The following DNAJA4 variants were observed in gnomAD, a reference collection of about 807,000 sequenced individuals.
The protein encoded by DNAJA4 is DnaJ heat shock protein family (Hsp40) member A4.
In DNAJA4, 32 loss-of-function variants were observed where a neutral mutation model predicts 39.7. The observed-to-expected ratio is 0.81, with a 90% CI of 0.61 to 1.08. DNAJA4 has a LOEUF of 1.08. DNAJA4 is among the 50% of genes least tolerant of loss of function. The pLI, the probability that DNAJA4 is intolerant of heterozygous loss-of-function variation, is 0.00. For missense variants in DNAJA4, 439 were observed against 505.1 expected, an observed-to-expected ratio of 0.87 and a Z score of 1.25; for synonymous variants, 184 against 182.4, an observed-to-expected ratio of 1.01 and a Z score of -0.07.
upstream of DNAJA4, chr15:78,264,295 G>A (rs1178590067): frequency 3.6e-6 from 5 of 1,375,008 alleles, no homozygotes; most frequent in East Asian, 6.2e-5. Flanking sequence ...GGCCCAAGCC[G>A]CCTTCTCCGG....
intron 1 of DNAJA4, among the ~76,000 whole-genome samples, chr15:78,269,650 A>T (rs1035729537): frequency 6.6e-6 from 1 of 152,098 alleles, no homozygotes; most frequent in Non-Finnish European, 1.5e-5. Context: ...GAAGTTTAAC[A>T]TTGGGAACAA....
Position 78,280,092 on chromosome 15 carries a change from A to G in DNAJA4, c.925A>G (p.Met309Val). The change falls in exon 6 of 7, where the codon ATG becomes GTG. Residue 309 changes from methionine (M) to valine (V), a missense_variant. Physicochemically the swap from Met to Val is conservative, Grantham distance 21. Transcript: ENST00000394852. ...GDLRCVRDEG[M>V]PIYKAPLEKG... ...CCTGAGATGCGTGCGCGATGAAGGA[A>G]TGCCCATCTACAAAGCACCCCTGGA... 1 of 1,614,248 alleles carries G rather than the reference A, an allele frequency of 6.2e-7. No individual in the cohort carries two copies. Among genetic ancestry groups the G allele is most frequent in the Non-Finnish European group, 8.5e-7 (1 of 1,180,044 alleles).
Position 78,264,596 on chromosome 15 carries a change from C to G in DNAJA4, c.-168C>G. Reference sequence around the variant, plus strand: ...GAGCCAGGCGTGGAAGTCGGTCCGGCGCGGGGCGGGGGGCGGGCGGGAGCT... The same window carrying G: ...GAGCCAGGCGTGGAAGTCGGTCCGGGGCGGGGCGGGGGGCGGGCGGGAGCT... On this transcript the variant is annotated 5_prime_UTR_variant, in exon 1 of 7. Coordinates refer to ENST00000394852, the MANE Select transcript of DNAJA4 (RefSeq NM_001130182.2). The G allele has an allele frequency of 8.7e-7, 1 of 1,146,020 alleles. No homozygotes were observed. Among genetic ancestry groups the G allele is most frequent in the Non-Finnish European group, 1.1e-6 (1 of 934,380 alleles). The allele number at this position is 1,146,020 out of a possible 1,614,324, so 71.0% of individuals were successfully genotyped here.
rs1270025323 is a variant in DNAJA4, at chr15:78,279,170, T to A, written c.878-875T>A. Reference sequence around the variant, plus strand: ...AACCTCCTCTTTAAAGATTTCCTCTTGAAGAGACAGCTCACTTTCTACATA... The same window carrying A: ...AACCTCCTCTTTAAAGATTTCCTCTAGAAGAGACAGCTCACTTTCTACATA... On this transcript the variant is annotated intron_variant, in intron 5 of 6. Coordinates refer to ENST00000394852, the MANE Select transcript of DNAJA4 (RefSeq NM_001130182.2). This position sits in a 1 kb window ranked among gnomAD's most constrained non-coding sequence, Gnocchi z 4.5. 6.6e-6 allele frequency: 1 copy of A among 152,170 alleles called. No individual in the cohort carries two copies. Among genetic ancestry groups the A allele is most frequent in the African/African-American group, 2.4e-5 (1 of 41,440 alleles). The allele number at this position is 152,170 out of a possible 1,614,324, so 9.4% of individuals were successfully genotyped here. A position where few individuals can be genotyped will look rare whatever the true frequency, so the allele number is the denominator to read the frequency against.
At chr15:78,267,191 TGA>T (rs1401442912) in intron 1 of DNAJA4, among the ~76,000 whole-genome samples, 4 of 151,500 alleles carry the variant, frequency 2.6e-5, no homozygotes, top group Admixed American at 2.6e-4. Flanking sequence ...AGTGTGTGTG[TGA>T]GTGTGTATGT....
chr15:78,268,554 T>C (rs2049206353), intron 1 of DNAJA4, among the ~76,000 whole-genome samples: 1 of 152,228 alleles, frequency 6.6e-6, no homozygotes, highest in African/African-American at 2.4e-5. Context: ...AAATTCCTTA[T>C]TTCATGGCAC....
intron 2 of DNAJA4, among the ~76,000 whole-genome samples, chr15:78,272,261 C>A (rs2049321354): frequency 6.6e-6 from 1 of 152,110 alleles, no homozygotes; most frequent in Non-Finnish European, 1.5e-5. Context: ...GGCGTGAACC[C>A]AGGAGGCGGA....
chr15:78,267,185 T>TGTGTGTGTATGTGA (rs1555438073), intron 1 of DNAJA4, among the ~76,000 whole-genome samples: 2 of 102,516 alleles, frequency 2.0e-5, no homozygotes, highest in East Asian at 3.8e-4. Flanking sequence ...TGTGTGAGTG[T>TGTGTGTGTATGTGA]GTGTGTGAGT....
At chr15:78,274,809 TGTAA>T (rs1446848610) in intron 4 of DNAJA4, 4 of 267,010 alleles carry the variant, frequency 1.5e-5, no homozygotes, top group East Asian at 2.1e-4. Flanking sequence ...TAAGGGCTTG[TGTAA>T]GTGTTTGTGG....
At chr15:78,274,072 T>G in intron 3 of DNAJA4, 125 bp from the exon 4 acceptor site, 1 of 786,736 alleles carries the variant, frequency 1.3e-6, no homozygotes, top group Non-Finnish European at 2.0e-6. Context: ...TTTTTTATTA[T>G]TGTAAATAGA....
intron 4 of DNAJA4, 72 bp from the exon 5 acceptor site, chr15:78,275,426 C>T: frequency 7.8e-7 from 1 of 1,288,382 alleles, no homozygotes; most frequent in Non-Finnish European, 1.1e-6. Flanking sequence ...GACTCTGTTC[C>T]TTCTTCAAAA....
At position 78,280,351 on chromosome 15, in the gene DNAJA4, T is replaced by G; in HGVS notation, c.1085T>G (p.Val362Gly). 2 of 1,614,162 alleles carry G rather than the reference T, an allele frequency of 1.2e-6. No individual in the cohort carries two copies. The highest frequency in any genetic ancestry group is 2.2e-5 in the East Asian group (1 of 44,872). ...AGGATTACAGATGACATGGATCAGG[T>G]GGAGCTGAAGGAGTTTTGTCCCAAT... ...KVRITDDMDQ[V>G]ELKEFCPNEQ... is the part of the protein sequence containing the mutation. The change falls in exon 7 of 7, where the codon GTG (valine) becomes GGG (glycine). Residue 362 changes from valine to glycine, a missense_variant. Physicochemically the swap from Val to Gly is moderately radical, Grantham distance 109. Transcript: ENST00000394852.
At chr15:78,277,211 G>T (rs566907310) in intron 5 of DNAJA4, among the ~76,000 whole-genome samples, 4 of 152,172 alleles carry the variant, frequency 2.6e-5, no homozygotes, top group Admixed American at 6.5e-5. Flanking sequence ...TGAGACAGGG[G>T]TCTTGCTCTG....
chr15:78,265,757 T>C, intron 1 of DNAJA4: 2 of 673,036 alleles, frequency 3.0e-6, no homozygotes, highest in Non-Finnish European at 5.4e-6. Flanking sequence ...TGCCATTTTC[T>C]TACAAAACTT....
At position 78,264,856 on chromosome 15, in the gene DNAJA4, C is replaced by T. The variant is rs1347594933; in HGVS notation, c.93C>T (p.Leu31=). ...AGAAGGCCTATCGGAAGCTGGCGCTCAAGTACCACCCGGACAAGAACCCGG... is the reference window on the plus strand; with the variant it reads ...AGAAGGCCTATCGGAAGCTGGCGCTTAAGTACCACCCGGACAAGAACCCGG... ...EIKKAYRKLA[L]KYHPDKNPDE... The change falls in exon 1 of 7, where the codon CTC becomes CTT. Residue 31 remains leucine (L), a synonymous_variant. Coordinates refer to ENST00000394852, the MANE Select transcript of DNAJA4 (RefSeq NM_001130182.2). 5 of 1,606,992 alleles carry T rather than the reference C, an allele frequency of 3.1e-6. No individual in the cohort carries two copies. The highest frequency in any genetic ancestry group is 4.2e-6 in the Non-Finnish European group (5 of 1,177,000).
chr15:78,273,480 G>T (rs1008661128), intron 3 of DNAJA4, among the ~76,000 whole-genome samples: 1 of 152,182 alleles, frequency 6.6e-6, no homozygotes, highest in Non-Finnish European at 1.5e-5. Context: ...ACAACGTGCA[G>T]GTTTGTTACA....
chr15:78,271,581 A>G (rs1410649566), intron 2 of DNAJA4, among the ~76,000 whole-genome samples: 1 of 152,190 alleles, frequency 6.6e-6, no homozygotes, highest in Non-Finnish European at 1.5e-5. Context: ...AGTAGTAGCA[A>G]CTTCATCCCC....
chr15:78,266,535 G>A (rs1406533303), intron 1 of DNAJA4, among the ~76,000 whole-genome samples: 47 of 152,182 alleles, frequency 3.1e-4, no homozygotes, highest in Non-Finnish European at 1.0e-4. Flanking sequence ...AGCTTGGAGG[G>A]AAGGGTTCTG....
In DNAJA4 at chr15:78,281,683, A is replaced by C. The variant is rs550832307; in HGVS notation, c.*1223A>C. The stretch of plus-strand genomic sequence containing the variant: ...TGCTTATTTCTTTTCCCCAAGTCAC[A>C]AAAAACTTGTAAGCTGCTGGGTTAA... On this transcript the variant is annotated 3_prime_UTR_variant, in exon 7 of 7. Coordinates refer to ENST00000394852, the MANE Select transcript of DNAJA4 (RefSeq NM_001130182.2). 24 of 152,224 alleles carry C rather than the reference A, an allele frequency of 1.6e-4. No individual in the cohort carries two copies. Among genetic ancestry groups the C allele is most frequent in the Non-Finnish European group, 2.8e-4 (19 of 68,036 alleles). 9.4% of individuals were successfully genotyped at this position (152,224 alleles called of 1,614,324 possible).
Sources: gnomAD v4.1 joint callset for allele counts (sites outside exome capture counted in the v4.1 genomes callset) on GRCh38, gnomAD v4.1.1 for gene constraint, Gnocchi (gnomAD v3.1) non-coding constraint, MANE v1.5 for transcripts, NCBI Gene and HGNC (gene_info 2026-07-23, HGNC 2026-07-21) for gene names.